HTR3B: variants seen among roughly 807,000 people sequenced by gnomAD.
The protein encoded by HTR3B is 5-hydroxytryptamine receptor 3B.
HTR3B carries 44 observed loss-of-function variants against 42.8 expected under a neutral mutation model. That is an observed-to-expected ratio of 1.03 (90% CI 0.81 to 1.32). The LOEUF (loss-of-function observed/expected upper bound fraction) is 1.32, where lower values mean the gene tolerates loss of function less well. Ranked by LOEUF, HTR3B falls within the 40% of genes most tolerant of loss-of-function variation. The pLI, the probability that HTR3B is intolerant of heterozygous loss-of-function variation, is 0.00. For missense variants in HTR3B, 527 were observed against 536.5 expected (o/e 0.98, Z 0.17); for synonymous variants, 203 against 209.0 (o/e 0.97, Z 0.25).
chr11:113,907,898 C>T (rs988272804), intron 1 of HTR3B, among the ~76,000 whole-genome samples: 2 of 152,134 alleles, frequency 1.3e-5, no homozygotes, highest in African/African-American at 4.8e-5. Context: ...CCTTGTGCTC[C>T]TGACTTCCCT....
chr11:113,932,170 T>C, intron 4 of HTR3B, 119 bp from the exon 5 acceptor site: 1 of 799,058 alleles, frequency 1.3e-6, no homozygotes, highest in Non-Finnish European at 2.1e-6. Context: ...AATGCGATTC[T>C]GTTTTGCAGG....
chr11:113,940,781 G>A (rs570011291), intron 6 of HTR3B, among the ~76,000 whole-genome samples: 10 of 152,224 alleles, frequency 6.6e-5, no homozygotes, highest in South Asian at 4.1e-4. Flanking sequence ...CTCTTCTCCC[G>A]GCACCTCCTG....
chr11:113,900,428 G>A (rs1268587341), upstream of HTR3B, among the ~76,000 whole-genome samples: 3 of 152,162 alleles, frequency 2.0e-5, no homozygotes, highest in Non-Finnish European at 4.4e-5. Context: ...TTCTCTGGGT[G>A]GATGTATTAG....
intron 2 of HTR3B, among the ~76,000 whole-genome samples, chr11:113,911,751 C>T (rs572715633): frequency 1.6e-3 from 240 of 152,186 alleles, no homozygotes; most frequent in African/African-American, 5.6e-3. Flanking sequence ...TGGTGTTGAA[C>T]TCCCGACCTG....
At chr11:113,933,125 G>A (rs373781577) in intron 6 of HTR3B, 32 bp downstream of exon 6, 72 of 1,597,920 alleles carry the variant, frequency 4.5e-5, no homozygotes, top group Non-Finnish European at 5.6e-5. Flanking sequence ...CCCGTTGCCC[G>A]CTTCTCCCCA....
intron 2 of HTR3B, among the ~76,000 whole-genome samples, chr11:113,922,290 A>G (rs951625625): frequency 6.6e-6 from 1 of 151,954 alleles, no homozygotes; most frequent in Non-Finnish European, 1.5e-5. Context: ...TCCAGGCTGG[A>G]GTACAGTGGC....
At chr11:113,909,683 A>G (rs1471960242) in intron 2 of HTR3B, among the ~76,000 whole-genome samples, 1 of 152,144 alleles carries the variant, frequency 6.6e-6, no homozygotes, top group African/African-American at 2.4e-5. Context: ...TGGAATTAAG[A>G]TGTTTTAAGA....
At position 113,944,752 on chromosome 11, in the gene HTR3B, A is replaced by G. The variant is rs747567414; in HGVS notation, c.1087A>G (p.Thr363Ala). Residue 363 changes from threonine to alanine, a missense_variant, in exon 8 of 9, where the codon ACA becomes GCA. By Grantham distance (58) the Thr-to-Ala change is moderately conservative (BLOSUM62 0). Transcript: ENST00000260191. ...ACCCAGGGCCCAACGTGCTGTGGTA[A>G]CAGGTGTGTGAGAAGCCTTGTGTTT... ...VEPRAQRAVV[T>A]ESSLYGEHLA... is the part of the protein sequence containing the mutation. The G allele has an allele frequency of 1.2e-6, 2 of 1,613,524 alleles. No homozygotes were observed. The highest frequency in any genetic ancestry group is 8.5e-7 in the Non-Finnish European group (1 of 1,179,602).
rs1213441097 is a variant in HTR3B at position 113,928,058 on chromosome 11, A to AGT, written c.214-3318_214-3317dup. ...CCAAAACCCCACCCTGACAGGCCCC[A>AGT]GTGTGTGTGGTTCCCCTCTCCGTGT... On this transcript the variant is annotated intron_variant, in intron 2 of 8. Transcript: ENST00000260191. Among the ~76,000 whole-genome samples the AGT allele has an allele frequency of 2.0e-5, 3 of 152,024 alleles. No homozygotes were observed. In the East Asian group the frequency reaches 5.8e-4, roughly 29 times the overall value.
intron 6 of HTR3B, among the ~76,000 whole-genome samples, chr11:113,934,721 A>C: frequency 6.8e-6 from 1 of 147,082 alleles, no homozygotes; most frequent in Non-Finnish European, 1.5e-5. Context: ...CTGTTTGTCC[A>C]CTTTTCTTGT....
upstream of HTR3B, among the ~76,000 whole-genome samples, chr11:113,901,309 G>A (rs1161694706): frequency 6.6e-6 from 1 of 152,000 alleles, no homozygotes; most frequent in Non-Finnish European, 1.5e-5. Flanking sequence ...CAGGTGTGGT[G>A]GCACACACAT....
At chr11:113,912,897 T>G (rs1020920499) in intron 2 of HTR3B, among the ~76,000 whole-genome samples, 8 of 150,356 alleles carry the variant, frequency 5.3e-5, no homozygotes, top group African/African-American at 1.9e-4. Flanking sequence ...GGGTCATTGG[T>G]TTTTTTTTAT....
Position 113,906,043 on chromosome 11 carries a change from GA to G in HTR3B, c.52+1060del, listed in dbSNP as rs533767407. On this transcript the variant is annotated intron_variant, in intron 1 of 8. Transcript: ENST00000260191. The stretch of plus-strand genomic sequence containing the variant: ...TTAAACTAAGATAAAATAGAAAAAT[GA>G]AGGTAAGAAAACAGACTAAGTTCTT... Among the ~76,000 whole-genome samples, 6 of 152,286 alleles carry G rather than the reference GA, an allele frequency of 3.9e-5. No homozygotes were observed. In the South Asian group the frequency reaches 1.2e-3, roughly 32 times the overall value.
chr11:113,945,837 A>C, intron 8 of HTR3B, 65 bp from the exon 9 acceptor site: 1 of 1,149,722 alleles, frequency 8.7e-7, no homozygotes, highest in Non-Finnish European at 1.3e-6. Context: ...ATCAGCTTCA[A>C]GAGAAAGTCC....
intron 1 of HTR3B, among the ~76,000 whole-genome samples, chr11:113,906,606 T>A (rs1051280960): frequency 6.6e-6 from 1 of 152,190 alleles, no homozygotes; most frequent in Non-Finnish European, 1.5e-5. Flanking sequence ...TTTTGAAAGG[T>A]TACTTGCTGT....
intron 2 of HTR3B, among the ~76,000 whole-genome samples, chr11:113,919,992 T>C (rs1949897031): frequency 6.6e-6 from 1 of 152,142 alleles, no homozygotes. Flanking sequence ...ATTTAAATGG[T>C]ACCCCTAAAA....
chr11:113,915,686 A>C (rs1227290970), intron 2 of HTR3B, among the ~76,000 whole-genome samples: 1 of 152,204 alleles, frequency 6.6e-6, no homozygotes, highest in Admixed American at 6.5e-5. Context: ...GCTTAGGTAT[A>C]GTATTGGTGA....
At chr11:113,930,538 G>T (rs925196134) in intron 2 of HTR3B, among the ~76,000 whole-genome samples, 3 of 146,594 alleles carry the variant, frequency 2.0e-5, no homozygotes, top group Non-Finnish European at 3.0e-5. Context: ...ACCTAGGCTG[G>T]AGTGCAGTGG....
chr11:113,934,968 C>T (rs375809304), intron 6 of HTR3B, among the ~76,000 whole-genome samples: 66 of 152,164 alleles, frequency 4.3e-4, no homozygotes, highest in African/African-American at 1.3e-3. Flanking sequence ...CTACACTGCA[C>T]GGAGGAGACA....
Sources: gnomAD v4.1 joint callset for allele counts (sites outside exome capture counted in the v4.1 genomes callset) on GRCh38, gnomAD v4.1.1 for gene constraint, MANE v1.5 for transcripts, NCBI Gene and HGNC (gene_info 2026-07-23, HGNC 2026-07-21) for gene names.